GABBR2: variants seen among roughly 807,000 people sequenced by gnomAD.
GABBR2 encodes G-protein coupled receptor 51.
GABBR2 carries 23 observed loss-of-function variants against 105.6 expected under a neutral mutation model. The ratio of observed to expected loss-of-function variants is 0.22; its 90% CI spans 0.16 to 0.31. GABBR2 has a LOEUF of 0.31. GABBR2 is among the 10% of genes least tolerant of loss of function. GABBR2 has a pLI of 1.00. For synonymous variants in GABBR2, 478 were observed against 499.7 expected (o/e 0.96, Z 0.58); for missense variants, 734 against 1,245.5 (o/e 0.59, Z 6.18).
chr9:98,663,343 G>A (rs967321883), intron 1 of GABBR2, among the ~76,000 whole-genome samples: 2 of 152,084 alleles, frequency 1.3e-5, no homozygotes, highest in African/African-American at 4.8e-5. Context: ...TGCAGACCGG[G>A]GATGATGGCA....
intron 1 of GABBR2, among the ~76,000 whole-genome samples, chr9:98,669,956 C>T (rs527624826): frequency 2.7e-5 from 4 of 148,176 alleles, no homozygotes; most frequent in South Asian, 4.3e-4. Context: ...ACCAGGAGAA[C>T]GAAGCAAGCG....
intron 4 of GABBR2, among the ~76,000 whole-genome samples, chr9:98,482,644 A>ATC (rs1304854116): frequency 1.3e-5 from 2 of 152,192 alleles, no homozygotes; most frequent in African/African-American, 4.8e-5. Flanking sequence ...ACAGCTTATT[A>ATC]GATTTTGAAG....
At chr9:98,523,341 G>A (rs1453917499) in intron 3 of GABBR2, among the ~76,000 whole-genome samples, 2 of 152,198 alleles carry the variant, frequency 1.3e-5, no homozygotes, top group Non-Finnish European at 2.9e-5. Context: ...ATAATGGGAT[G>A]CTCTACTGAA....
intron 1 of GABBR2, among the ~76,000 whole-genome samples, chr9:98,628,461 A>G (rs1215808223): frequency 6.6e-6 from 1 of 152,192 alleles, no homozygotes; most frequent in Non-Finnish European, 1.5e-5. Flanking sequence ...GGATTTTGTC[A>G]GCTCCGGGGC....
chr9:98,477,848 C>T (rs2131638284), intron 5 of GABBR2, among the ~76,000 whole-genome samples: 1 of 152,284 alleles, frequency 6.6e-6, no homozygotes, highest in East Asian at 1.9e-4. Context: ...GAAGCTTTCC[C>T]TTTGGTGGCC....
chr9:98,378,071 C>A (rs1831909064), intron 11 of GABBR2, among the ~76,000 whole-genome samples: 2 of 152,196 alleles, frequency 1.3e-5, no homozygotes, highest in African/African-American at 2.4e-5. Context: ...AAAGAAAACC[C>A]CATGCAACAA....
intron 5 of GABBR2, among the ~76,000 whole-genome samples, chr9:98,475,347 A>T (rs564376187): frequency 2.1e-5 from 3 of 143,498 alleles, no homozygotes; most frequent in East Asian, 2.0e-4. Flanking sequence ...CAGAAACTTT[A>T]AAAAAAAAAA....
At chr9:98,499,476 G>A (rs16916551) in intron 3 of GABBR2, among the ~76,000 whole-genome samples, 42,198 of 152,072 alleles carry the variant, frequency 0.28, 6,404 homozygotes, top group African/African-American at 0.36. Context: ...GCCACTCACC[G>A]CCCATAATCT....
chr9:98,435,750 C>T (rs1325733710), intron 7 of GABBR2, among the ~76,000 whole-genome samples: 1 of 152,194 alleles, frequency 6.6e-6, no homozygotes, highest in East Asian at 1.9e-4. Context: ...AATGCTCTTC[C>T]ACCCACTTTG....
intron 1 of GABBR2, among the ~76,000 whole-genome samples, chr9:98,695,807 G>A (rs905502458): frequency 2.0e-5 from 3 of 152,100 alleles, no homozygotes; most frequent in Non-Finnish European, 2.9e-5. Flanking sequence ...CAGGTTGACC[G>A]ATGCCCAGTG....
rs1318050023 is a variant in GABBR2 at position 98,388,821 on chromosome 9, G to A, written c.1529+33C>T. On this transcript the variant is annotated intron_variant, in intron 10 of 18. Transcript: ENST00000259455. The surrounding 1 kb of genome is among the most constrained non-coding windows in gnomAD (Gnocchi z 4.4). ...GTCCATAGGCTTGTCAATTTAGAAA[G>A]TGATATCACAGAGGAGGACCAGGGT... The A allele has an allele frequency of 6.3e-7, 1 of 1,576,992 alleles. No individual in the cohort carries two copies. Among genetic ancestry groups the A allele is most frequent in the East Asian group, 2.2e-5 (1 of 44,624 alleles).
chr9:98,481,864 C>A (rs2131644105), intron 4 of GABBR2, among the ~76,000 whole-genome samples: 1 of 152,328 alleles, frequency 6.6e-6, no homozygotes, highest in South Asian at 2.1e-4. Context: ...TGTACAGTGA[C>A]CCCTGTGACT....
intron 8 of GABBR2, among the ~76,000 whole-genome samples, chr9:98,398,747 C>T (rs924662901): frequency 2.6e-5 from 4 of 152,216 alleles, no homozygotes; most frequent in African/African-American, 9.7e-5. Flanking sequence ...CTCTCCCTCT[C>T]CCAGCATTAC....
At chr9:98,436,145 A>G (rs1381446730) in intron 7 of GABBR2, among the ~76,000 whole-genome samples, 1 of 150,310 alleles carries the variant, frequency 6.7e-6, no homozygotes, top group Non-Finnish European at 1.5e-5. Context: ...GGTTGTACCA[A>G]GTTTTTACCT....
intron 1 of GABBR2, among the ~76,000 whole-genome samples, chr9:98,659,182 T>C (rs1051719720): frequency 6.6e-5 from 10 of 152,246 alleles, no homozygotes; most frequent in Admixed American, 6.5e-4. Flanking sequence ...TTATTCACTT[T>C]TGGCAATCAT....
At chr9:98,595,437 G>C (rs1192481801) in intron 1 of GABBR2, among the ~76,000 whole-genome samples, 1 of 151,056 alleles carries the variant, frequency 6.6e-6, no homozygotes, top group African/African-American at 2.4e-5. Context: ...GGGCAGCAGA[G>C]AGTGTGGGGC....
At chr9:98,406,566 G>A (rs1036895828) in intron 7 of GABBR2, among the ~76,000 whole-genome samples, 2 of 152,238 alleles carry the variant, frequency 1.3e-5, no homozygotes, top group Non-Finnish European at 2.9e-5. Context: ...TGCTGAGTCT[G>A]CTTGGCTTCA....
At chr9:98,407,974 G>T (rs963848582) in intron 7 of GABBR2, among the ~76,000 whole-genome samples, 3 of 152,136 alleles carry the variant, frequency 2.0e-5, no homozygotes, top group Non-Finnish European at 4.4e-5. Context: ...GTAGGCCAGC[G>T]TGTCTCACAA....
Position 98,385,782 on chromosome 9 carries a change from G to A in GABBR2, c.1530-10C>T. 6.2e-7 allele frequency: 1 copy of A among 1,604,644 alleles called. No homozygotes were observed. Among genetic ancestry groups the A allele is most frequent in the Non-Finnish European group, 8.5e-7 (1 of 1,171,784 alleles). On this transcript the variant is annotated splice_polypyrimidine_tract_variant and intron_variant, in intron 10 of 18. Transcript: ENST00000259455. ...CGACATCTTTATGAGCCTGACAAGA[G>A]AAAGAGACAATAGATTTAACAGAAT...
Sources: gnomAD v4.1 joint callset for allele counts (sites outside exome capture counted in the v4.1 genomes callset) on GRCh38, gnomAD v4.1.1 for gene constraint, Gnocchi (gnomAD v3.1) non-coding constraint, MANE v1.5 for transcripts, NCBI Gene and HGNC (gene_info 2026-07-23, HGNC 2026-07-21) for gene names.